ERC2: variants seen among roughly 807,000 people sequenced by gnomAD.
The protein encoded by ERC2 is ELKS/RAB6-interacting/CAST family member 2, also known as ERC protein 2.
ERC2 carries 42 observed loss-of-function variants against 114.8 expected under a neutral mutation model. That is an observed-to-expected ratio of 0.37 (90% CI 0.29 to 0.47). The LOEUF (loss-of-function observed/expected upper bound fraction) is 0.47, where lower values mean the gene tolerates loss of function less well. ERC2 is among the 20% of genes least tolerant of loss of function. ERC2 has a pLI of 0.99. For missense variants in ERC2, 939 were observed against 1,150.7 expected (o/e 0.82, Z 2.66); for synonymous variants, 454 against 425.5 (o/e 1.07, Z -0.82).
intron 4 of ERC2, among the ~76,000 whole-genome samples, chr3:56,154,437 C>A (rs755853909): frequency 7.9e-5 from 12 of 152,028 alleles, no homozygotes; most frequent in Admixed American, 1.3e-4. Context: ...GTTTCTTTTC[C>A]TGGTCTTATT....
At chr3:55,826,677 C>A (rs1412774257) in intron 14 of ERC2, among the ~76,000 whole-genome samples, 1 of 152,188 alleles carries the variant, frequency 6.6e-6, no homozygotes, top group Non-Finnish European at 1.5e-5. Flanking sequence ...TTAAACCATG[C>A]CAAACTAATG....
At chr3:56,040,599 A>G (rs1412687425) in intron 7 of ERC2, among the ~76,000 whole-genome samples, 1 of 128,694 alleles carries the variant, frequency 7.8e-6, no homozygotes, top group Non-Finnish European at 1.7e-5. Flanking sequence ...ATATATCTAT[A>G]TATGTATATA....
intron 14 of ERC2, among the ~76,000 whole-genome samples, chr3:55,817,084 C>T (rs2059930095): frequency 6.6e-6 from 1 of 152,166 alleles, no homozygotes; most frequent in African/African-American, 2.4e-5. Context: ...GGGGTTTCTA[C>T]CCGTCTCCAA....
At chr3:55,947,193 C>G (rs114409856) in intron 13 of ERC2, among the ~76,000 whole-genome samples, 3,046 of 152,274 alleles carry the variant, frequency 0.02, 47 homozygotes, top group Non-Finnish European at 0.03. Flanking sequence ...AGTGTTCAAC[C>G]AGAGCTTAGT....
intron 17 of ERC2, among the ~76,000 whole-genome samples, chr3:55,567,680 A>T (rs2056459790): frequency 6.6e-6 from 1 of 152,014 alleles, no homozygotes; most frequent in African/African-American, 2.4e-5. Context: ...AAGGTTTTTC[A>T]GGAGGAGGAC....
At chr3:55,940,835 C>T (rs957379296) in intron 13 of ERC2, among the ~76,000 whole-genome samples, 3 of 152,126 alleles carry the variant, frequency 2.0e-5, no homozygotes, top group East Asian at 1.9e-4. Context: ...TGCAAAACCC[C>T]GTTACCCAAG....
intron 5 of ERC2, among the ~76,000 whole-genome samples, chr3:56,146,299 C>T (rs559749415): frequency 6.6e-6 from 1 of 150,712 alleles, no homozygotes; most frequent in Non-Finnish European, 1.5e-5. Flanking sequence ...AACAAACGAA[C>T]AAAAAAAACC....
intron 14 of ERC2, 44 bp downstream of exon 14, chr3:55,888,345 G>C (rs200345439): frequency 1.2e-6 from 2 of 1,602,722 alleles, no homozygotes; most frequent in Non-Finnish European, 1.7e-6. Flanking sequence ...ACTCTCAAGA[G>C]AGGCTAGAAG....
chr3:56,259,611 T>C (rs1047691736), intron 3 of ERC2, among the ~76,000 whole-genome samples: 9 of 152,146 alleles, frequency 5.9e-5, no homozygotes, highest in African/African-American at 2.2e-4. Flanking sequence ...TAGGTTATTA[T>C]ATTATATATT....
intron 17 of ERC2, among the ~76,000 whole-genome samples, chr3:55,595,120 A>G (rs1009809250): frequency 1.3e-5 from 2 of 152,234 alleles, no homozygotes; most frequent in Admixed American, 6.5e-5. Flanking sequence ...TATAGATGAG[A>G]AAACCAAAAC....
chr3:55,541,940 C>A (rs2054424458), intron 17 of ERC2, among the ~76,000 whole-genome samples: 2 of 152,202 alleles, frequency 1.3e-5, no homozygotes, highest in East Asian at 3.9e-4. Flanking sequence ...AGAATTTTCA[C>A]AATTTTTGCC....
chr3:55,967,171 C>A (rs1294496304), intron 12 of ERC2, among the ~76,000 whole-genome samples: 1 of 152,042 alleles, frequency 6.6e-6, no homozygotes, highest in Non-Finnish European at 1.5e-5. Flanking sequence ...TTCGAAAATT[C>A]CTATGGGATA....
At chr3:55,710,922 A>G (rs1576254550) in intron 15 of ERC2, among the ~76,000 whole-genome samples, 2 of 152,296 alleles carry the variant, frequency 1.3e-5, no homozygotes, top group Middle Eastern at 3.4e-3. Flanking sequence ...TTAGTTGCTG[A>G]TGGGCCCAGG....
At chr3:55,845,179 G>A (rs1465692981) in intron 14 of ERC2, among the ~76,000 whole-genome samples, 1 of 152,168 alleles carries the variant, frequency 6.6e-6, no homozygotes, top group South Asian at 2.1e-4. Flanking sequence ...TATTGATCCA[G>A]CCCAGGGCTT....
At chr3:55,734,190 G>C (rs17055882) in intron 15 of ERC2, among the ~76,000 whole-genome samples, 2,874 of 152,208 alleles carry the variant, frequency 0.019, 83 homozygotes, top group African/African-American at 0.062. Context: ...CAGGATAACG[G>C]GGCAAACAGG....
intron 3 of ERC2, among the ~76,000 whole-genome samples, chr3:56,193,255 T>G (rs1284610753): frequency 1.3e-5 from 2 of 152,228 alleles, no homozygotes; most frequent in Non-Finnish European, 2.9e-5. Context: ...GGCTCACGTC[T>G]GTACTCCCAG....
At chr3:55,807,322 T>C (rs1208642227) in intron 14 of ERC2, among the ~76,000 whole-genome samples, 1 of 152,212 alleles carries the variant, frequency 6.6e-6, no homozygotes, top group Non-Finnish European at 1.5e-5. Flanking sequence ...AATTGAGAAG[T>C]GATGTGTTGA....
At chr3:55,846,059 C>G (rs1468871632) in intron 14 of ERC2, among the ~76,000 whole-genome samples, 1 of 152,202 alleles carries the variant, frequency 6.6e-6, no homozygotes, top group Admixed American at 6.5e-5. Flanking sequence ...AACCTCATGT[C>G]ACAGGGATTT....
chr3:56,458,451 CA>C (rs1189331654), intron 1 of ERC2, among the ~76,000 whole-genome samples: 3 of 152,126 alleles, frequency 2.0e-5, no homozygotes, highest in Non-Finnish European at 4.4e-5. Context: ...CAAGGTGGCC[CA>C]TGAATGCATT....
Sources: gnomAD v4.1 joint callset for allele counts (sites outside exome capture counted in the v4.1 genomes callset) on GRCh38, gnomAD v4.1.1 for gene constraint, MANE v1.5 for transcripts, NCBI Gene and HGNC (gene_info 2026-07-23, HGNC 2026-07-21) for gene names.